PAX6: variants seen among roughly 807,000 people sequenced by gnomAD.
PAX6 encodes paired box protein Pax-6.
Under a neutral mutation model 60.7 loss-of-function variants are expected in PAX6, and 7 were observed. The observed-to-expected ratio is 0.12, with a 90% CI of 0.07 to 0.22. The LOEUF is 0.22. PAX6 is among the 10% of genes least tolerant of loss of function. PAX6 has a pLI of 1.00. For synonymous variants in PAX6, 208 were observed against 201.2 expected, an observed-to-expected ratio of 1.03 and a Z score of -0.29; for missense variants, 355 against 555.2, an observed-to-expected ratio of 0.64 and a Z score of 3.62.
Position 31,790,112 on chromosome 11 carries a change from A to AC in PAX6, c.1226-94_1226-93insG, listed in dbSNP as rs1431148824. On this transcript the variant is annotated intron_variant, in intron 13 of 13. Transcript: ENST00000640368. ...TATAGGTTTACAAAAAAAAAAAAAA[A>AC]AAAAAAAACTAATACTTTCTAACAT... is the stretch of plus-strand genomic sequence containing the variant. The AC allele has an allele frequency of 4.3e-5, 34 of 798,252 alleles. No individual in the cohort carries two copies. In the African/African-American group the frequency reaches 5.9e-4, roughly 14 times the overall value. The allele number at this position is 798,252 out of a possible 1,614,324, so 49.4% of individuals were successfully genotyped here.
chr11:31,817,561 A>G (rs1957437099), intron 1 of PAX6, among the ~76,000 whole-genome samples: 1 of 152,146 alleles, frequency 6.6e-6, no homozygotes, highest in Admixed American at 6.5e-5. Context: ...CTGGAAGTCC[A>G]CTCTTAGGAG....
intron 8 of PAX6, among the ~76,000 whole-genome samples, chr11:31,797,316 T>C (rs1001499681): frequency 6.6e-6 from 1 of 152,096 alleles, no homozygotes; most frequent in African/African-American, 2.4e-5. Context: ...TCTGCTCTCA[T>C]TTGCCTCTTT....
At chr11:31,817,046 G>C (rs759784756) in intron 1 of PAX6, among the ~76,000 whole-genome samples, 8 of 152,254 alleles carry the variant, frequency 5.3e-5, no homozygotes, top group Non-Finnish European at 1.0e-4. Context: ...GCCGCAGGGT[G>C]GTGGGCGCTT....
intron 5 of PAX6, chr11:31,802,207 T>TA (rs1467258734): frequency 2.1e-5 from 9 of 424,130 alleles, no homozygotes; most frequent in African/African-American, 6.1e-5. Flanking sequence ...TCTTCTTCTT[T>TA]AAAAAATACT....
intron 12 of PAX6, chr11:31,791,085 C>T (rs1466224233): frequency 7.9e-6 from 5 of 633,430 alleles, no homozygotes; most frequent in Non-Finnish European, 1.4e-5. Flanking sequence ...CTCTAAAGCA[C>T]TTTAGGTTCT....
intron 4 of PAX6, 121 bp from the exon 5 acceptor site, chr11:31,802,955 A>C: frequency 2.0e-6 from 2 of 991,790 alleles, no homozygotes; most frequent in Non-Finnish European, 3.1e-6. Context: ...GGAGAGGAGG[A>C]AGGGGAAGAG....
At chr11:31,803,845 T>C (rs1018601136) in intron 4 of PAX6, 2 of 152,378 alleles carry the variant, frequency 1.3e-5, no homozygotes, top group African/African-American at 4.8e-5. Flanking sequence ...TGGTCCAACC[T>C]TAGAGAATAG....
Position 31,802,873 on chromosome 11 carries a change from G to A in PAX6, c.11-39C>T, listed in dbSNP as rs760168498. 7 of 1,597,280 alleles carry A rather than the reference G, an allele frequency of 4.4e-6. 1 individual carries two copies. In the South Asian group the frequency reaches 7.8e-5, roughly 18 times the overall value. Reference sequence around the variant, plus strand: ...GAGGAGAGGAAAGGGGAAAAGAAGAGAAGAGAGCAGAGTGAAGAGGAAGAA... The same window carrying A: ...GAGGAGAGGAAAGGGGAAAAGAAGAAAAGAGAGCAGAGTGAAGAGGAAGAA... On this transcript the variant is annotated intron_variant, in intron 4 of 13. Transcript: ENST00000640368.
chr11:31,806,430 C>A lies in PAX6; in HGVS notation c.-19G>T. On this transcript the variant is annotated 5_prime_UTR_variant, in exon 4 of 14. Transcript: ENST00000640368. ...TCTGCATGCTGGCTCTGGCTGGGGG[C>A]CGCGGGATTCCACGGGGCTCGAATA... The A allele has an allele frequency of 6.2e-7, 1 of 1,608,720 alleles. No homozygotes were observed. The highest frequency in any genetic ancestry group is 1.1e-5 in the South Asian group (1 of 89,556).
In PAX6 at chr11:31,790,119, A is replaced by AAC. The variant is rs1554982405; in HGVS notation, c.1226-102_1226-101dup. 215 of 771,908 alleles carry AAC rather than the reference A, an allele frequency of 2.8e-4. 2 individuals carry two copies. In the African/African-American group the frequency reaches 3.7e-3, roughly 13 times the overall value. The allele number at this position is 771,908 out of a possible 1,614,324, so 47.8% of individuals were successfully genotyped here. ...TTACAAAAAAAAAAAAAAAAAAAAA[A>AAC]ACTAATACTTTCTAACATTTTTTAC... On this transcript the variant is annotated intron_variant, in intron 13 of 13. Coordinates refer to ENST00000640368, the MANE Select transcript of PAX6 (RefSeq NM_001368894.2).
chr11:31,812,194 C>A (rs1484342721), upstream of PAX6: 2 of 149,818 alleles, frequency 1.3e-5, no homozygotes, highest in African/African-American at 5.0e-5. Flanking sequence ...GGCTGCTTTT[C>A]GCAGCGCCCG....
At chr11:31,807,609 G>C (rs934088114) in intron 2 of PAX6, 2 of 152,176 alleles carry the variant, frequency 1.3e-5, no homozygotes, top group African/African-American at 4.8e-5. Context: ...CCCTTTAACT[G>C]TACTGTGACA....
Position 31,793,711 on chromosome 11 carries a change from G to A in PAX6, c.899C>T (p.Pro300Leu), listed in dbSNP as rs1249125860. Residue 300 changes from proline to leucine, a missense_variant, in exon 11 of 14, where the codon CCT (proline) becomes CTT (leucine). Around this residue, in one of 5 missense-constraint regions of PAX6, gnomAD observed 149 missense variants for 191.9 expected, o/e 0.78. Coordinates refer to ENST00000640368, the MANE Select transcript of PAX6 (RefSeq NM_001368894.2). ...RQASNTPSHI[P>L]ISSSFSTSVY... ...ACTGGTGCTGAAACTACTGCTGATA[G>A]GAATATGACTAGGTGTGTTGCTGGC... 2 of 1,614,044 alleles carry A rather than the reference G, an allele frequency of 1.2e-6. No homozygotes were observed. The highest frequency in any genetic ancestry group is 1.7e-6 in the Non-Finnish European group (2 of 1,179,998).
intron 1 of PAX6, chr11:31,816,434 G>A: frequency 1.5e-6 from 1 of 661,662 alleles, no homozygotes. Context: ...TCTGGTCAGA[G>A]GTAATTATGT....
Position 31,811,276 on chromosome 11 carries a change from C to T in PAX6, c.-478G>A, listed in dbSNP as rs952889537. 4 of 399,022 alleles carry T rather than the reference C, an allele frequency of 1.0e-5. No individual in the cohort carries two copies. The highest frequency in any genetic ancestry group is 8.8e-5 in the Admixed American group (2 of 22,744). 24.7% of individuals were successfully genotyped at this position (399,022 alleles called of 1,614,324 possible). A position where few individuals can be genotyped will look rare whatever the true frequency, so the allele number is the denominator to read the frequency against. On this transcript the variant is annotated 5_prime_UTR_variant, in exon 1 of 14. Coordinates refer to ENST00000640368, the MANE Select transcript of PAX6 (RefSeq NM_001368894.2). ...CCTGAACCAGAGCGGGAAATGAGGC[C>T]GAGCCACGGTTCCCTTTTCAAACCC...
intron 8 of PAX6, 36 bp downstream of exon 8, chr11:31,800,655 T>A (rs1260215679): frequency 6.2e-7 from 1 of 1,612,260 alleles, no homozygotes; most frequent in Admixed American, 1.7e-5. Flanking sequence ...GGGATGCACA[T>A]ATGGAGAGCT....
intron 4 of PAX6, chr11:31,803,143 C>G: frequency 2.3e-6 from 1 of 441,070 alleles, no homozygotes; most frequent in Non-Finnish European, 4.2e-6. Flanking sequence ...TGTACTGCAG[C>G]AGCAACACAG....
Position 31,794,670 on chromosome 11 carries a change from T to C in PAX6, c.684A>G (p.Arg228=), listed in dbSNP as rs1459535494. ...CAATTTGCTCTTGGGTAAAGGATGT[T>C]CTATTTCTTTGCAGCTTCCGCTTCA... ...LQLKRKLQRN[R]TSFTQEQIEA... is the part of the protein sequence containing the mutation. Residue 228 remains arginine, a synonymous_variant, in exon 9 of 14, where the codon AGA becomes AGG. Transcript: ENST00000640368. 1 of 1,614,102 alleles carries C rather than the reference T, an allele frequency of 6.2e-7. No homozygotes were observed. Among genetic ancestry groups the C allele is most frequent in the African/African-American group, 1.3e-5 (1 of 74,922 alleles).
intron 4 of PAX6, 107 bp downstream of exon 4, chr11:31,806,294 CG>C: frequency 7.4e-7 from 1 of 1,355,168 alleles, no homozygotes; most frequent in Admixed American, 2.1e-5. Context: ...GGGCCTCAGT[CG>C]GTCGGCGGCC....
Sources: gnomAD v4.1 joint callset for allele counts (sites outside exome capture counted in the v4.1 genomes callset) on GRCh38, gnomAD v4.1.1 for gene constraint, gnomAD v4.1.1 regional missense constraint, MANE v1.5 for transcripts, NCBI Gene and HGNC (gene_info 2026-07-23, HGNC 2026-07-21) for gene names.